PPP2R2C: variants seen among roughly 807,000 people sequenced by gnomAD.
PPP2R2C encodes protein phosphatase 2 regulatory subunit Bgamma, also known as protein phosphatase 2, regulatory subunit B, gamma.
PPP2R2C carries 10 observed loss-of-function variants against 45.3 expected under a neutral mutation model. The observed-to-expected ratio is 0.22, with a 90% CI of 0.14 to 0.37. The LOEUF (loss-of-function observed/expected upper bound fraction) is 0.37. Ranked by LOEUF, PPP2R2C falls within the 10% of genes least tolerant of loss-of-function variation. The pLI is 1.00. For synonymous variants in PPP2R2C, 257 were observed against 245.4 expected (o/e 1.05, Z -0.44); for missense variants, 308 against 619.7 (o/e 0.50, Z 5.34).
At chr4:6,360,414 G>C (rs1396920204) in intron 5 of PPP2R2C, among the ~76,000 whole-genome samples, 1 of 152,234 alleles carries the variant, frequency 6.6e-6, no homozygotes, top group Non-Finnish European at 1.5e-5. Context: ...CCATGAGAAA[G>C]AGGGCTGCAG....
intron 1 of PPP2R2C, among the ~76,000 whole-genome samples, chr4:6,417,300 A>G (rs1718655552): frequency 6.6e-6 from 1 of 152,234 alleles, no homozygotes; most frequent in African/African-American, 2.4e-5. Flanking sequence ...GGCCCCATCC[A>G]CGGGATTTTC....
Position 6,466,967 on chromosome 4 carries a change from G to A in PPP2R2C, c.70+5193C>T, listed in dbSNP as rs148937888. Among the ~76,000 whole-genome samples, 257 of 152,226 alleles carry A rather than the reference G, an allele frequency of 1.7e-3. 3 individuals are homozygous for A. Among genetic ancestry groups the A allele is most frequent in the African/African-American group, 5.7e-3 (235 of 41,534 alleles). ...AATTGACAGCAGTCGCCTTTTACAC[G>A]TGTAGAACTTCAGAGTCCACATGCC... On this transcript the variant is annotated intron_variant, in intron 1 of 8. Coordinates refer to ENST00000382599, the MANE Select transcript of PPP2R2C (RefSeq NM_020416.4).
intron 6 of PPP2R2C, among the ~76,000 whole-genome samples, chr4:6,344,257 C>A (rs756711761): frequency 2.6e-5 from 4 of 152,218 alleles, no homozygotes; most frequent in Admixed American, 6.5e-5. Flanking sequence ...TTCACTGCAG[C>A]CCTGGGAGCT....
Position 6,529,796 on chromosome 4 carries a change from G to A in PPP2R2C, c.49+5475C>T, listed in dbSNP as rs565952163. On this transcript the variant is annotated intron_variant, in intron 2 of 9. Coordinates refer to the PPP2R2C transcript ENST00000506140. Reference sequence around the variant, plus strand: ...GGTACACAGCAGATGCTCAATAAATGTATGTGAAATGAAGAACAGTGGGTG... The same window carrying A: ...GGTACACAGCAGATGCTCAATAAATATATGTGAAATGAAGAACAGTGGGTG... 3.9e-5 allele frequency among the ~76,000 whole-genome samples: 6 copies of A among 152,166 alleles called. No homozygotes were observed. In the South Asian group the frequency reaches 6.2e-4, roughly 16 times the overall value.
chr4:6,381,290 C>T (rs1015373922), intron 1 of PPP2R2C, 196 bp from the exon 2 acceptor site: 1 of 1,528,774 alleles, frequency 6.5e-7, no homozygotes, highest in African/African-American at 1.4e-5. Flanking sequence ...CCTCCTCTTC[C>T]CTCTGCACTG....
intron 1 of PPP2R2C, among the ~76,000 whole-genome samples, chr4:6,385,752 T>C (rs948598433): frequency 6.6e-6 from 1 of 152,072 alleles, no homozygotes; most frequent in African/African-American, 2.4e-5. Flanking sequence ...GTATTTTTAG[T>C]AGAGATGGGG....
At chr4:6,463,324 T>A (rs1460046134) in intron 1 of PPP2R2C, among the ~76,000 whole-genome samples, 2 of 142,918 alleles carry the variant, frequency 1.4e-5, no homozygotes, top group Admixed American at 7.2e-5. Flanking sequence ...CAAGCCCAGG[T>A]CCAGCCTCCA....
intron 6 of PPP2R2C, among the ~76,000 whole-genome samples, chr4:6,344,605 CAT>C (rs780547365): frequency 2.5e-4 from 38 of 152,166 alleles, no homozygotes; most frequent in Non-Finnish European, 2.5e-4. Context: ...CCTGCACACA[CAT>C]GTGTTTTCTG....
chr4:6,340,949 A>T (rs1577082126), intron 6 of PPP2R2C, among the ~76,000 whole-genome samples: 1 of 152,228 alleles, frequency 6.6e-6, no homozygotes, highest in Admixed American at 6.5e-5. Context: ...CTGGTCCTGC[A>T]CCTGGAGAGC....
chr4:6,471,823 G>C lies in PPP2R2C; in HGVS notation c.70+337C>G. 3.2e-6 allele frequency: 1 copy of C among 316,168 alleles called. No homozygotes were observed. The highest frequency in any genetic ancestry group is 8.1e-5 in the South Asian group (1 of 12,412). The allele number at this position is 316,168 out of a possible 1,614,324, so 19.6% of individuals were successfully genotyped here. ...TCCCCGAGATTTCTTCACCAGATTA[G>C]CCACAGCCGTGGCCTTTTAAAAAAT... On this transcript the variant is annotated intron_variant, in intron 1 of 8. Transcript: ENST00000382599. The surrounding 1 kb of genome is among the most constrained non-coding windows in gnomAD (Gnocchi z 5.6).
intron 6 of PPP2R2C, among the ~76,000 whole-genome samples, chr4:6,340,259 C>A (rs1402764812): frequency 6.6e-6 from 1 of 152,166 alleles, no homozygotes; most frequent in Non-Finnish European, 1.5e-5. Flanking sequence ...CCTGTTCCAG[C>A]CACACGGGTC....
chr4:6,426,278 C>T (rs1367104286), intron 1 of PPP2R2C, among the ~76,000 whole-genome samples: 5 of 152,204 alleles, frequency 3.3e-5, no homozygotes, highest in Admixed American at 6.5e-5. Context: ...CGGTCGGAGA[C>T]GGCCTTGCAG....
rs113380358 is a variant in PPP2R2C at position 6,510,983 on chromosome 4, A to C, written c.49+24288T>G. On this transcript the variant is annotated intron_variant, in intron 2 of 9. Transcript: ENST00000506140. ...CAGAGTGAGACTCCGTCTCAAACAA[A>C]AAAAAACAAACAAACAAAAAAAAAA... Among the ~76,000 whole-genome samples the C allele has an allele frequency of 5.7e-3, 225 of 39,698 alleles. 5 individuals are homozygous for C. The highest frequency in any genetic ancestry group is 0.023 in the South Asian group (11 of 476). 26.0% of individuals were successfully genotyped at this position (39,698 alleles called of 152,430 possible). A position where few individuals can be genotyped will look rare whatever the true frequency, so the allele number is the denominator to read the frequency against.
chr4:6,378,621 G>T lies in PPP2R2C; in HGVS notation c.169-49C>A. On this transcript the variant is annotated intron_variant, in intron 2 of 8. Transcript: ENST00000382599. This position sits in a 1 kb window ranked among gnomAD's most constrained non-coding sequence, Gnocchi z 5.2. The stretch of plus-strand genomic sequence containing the variant: ...GCCTGAGCACCGTGACCTGCAGGGC[G>T]ACGGCTAGGACCTCCGGGGACCCAG... 1 of 1,570,770 alleles carries T rather than the reference G, an allele frequency of 6.4e-7. No homozygotes were observed. Among genetic ancestry groups the T allele is most frequent in the South Asian group, 1.2e-5 (1 of 84,228 alleles).
At chr4:6,453,553 T>C (rs1368004669) in intron 1 of PPP2R2C, among the ~76,000 whole-genome samples, 1 of 144,008 alleles carries the variant, frequency 6.9e-6, no homozygotes, top group Non-Finnish European at 1.5e-5. Flanking sequence ...TGTGCATCCA[T>C]CATATTCACC....
intron 5 of PPP2R2C, among the ~76,000 whole-genome samples, chr4:6,370,701 C>G (rs113827863): frequency 2.6e-5 from 4 of 152,156 alleles, no homozygotes; most frequent in East Asian, 3.8e-4. Flanking sequence ...CCATCACCCA[C>G]GATGCTCCAG....
At chr4:6,517,683 C>G (rs1020019017) in intron 2 of PPP2R2C, among the ~76,000 whole-genome samples, 1 of 152,224 alleles carries the variant, frequency 6.6e-6, no homozygotes, top group Admixed American at 6.5e-5. Context: ...ATCCCCTCCC[C>G]TGATGCACCT....
intron 1 of PPP2R2C, among the ~76,000 whole-genome samples, chr4:6,539,308 T>C (rs950942575): frequency 1.3e-5 from 2 of 152,096 alleles, no homozygotes; most frequent in African/African-American, 2.4e-5. Context: ...CTGGGACAGA[T>C]TCCCCCCATA....
At chr4:6,516,579 C>T (rs939660855) in intron 2 of PPP2R2C, among the ~76,000 whole-genome samples, 2 of 152,234 alleles carry the variant, frequency 1.3e-5, no homozygotes, top group Non-Finnish European at 2.9e-5. Context: ...GACTCCTCCT[C>T]CCAGGCCCTG....
Sources: allele counts gnomAD v4.1 joint callset (sites outside exome capture counted in the v4.1 genomes callset), GRCh38; gene constraint gnomAD v4.1.1; non-coding constraint Gnocchi (gnomAD v3.1); transcripts MANE v1.5; gene names NCBI Gene and HGNC (gene_info 2026-07-23, HGNC 2026-07-21).